Variants in MTA3 observed in about 807,000 individuals in gnomAD.
The protein encoded by MTA3 is metastasis associated 1 family member 3.
In MTA3, 34 loss-of-function variants were observed where a neutral mutation model predicts 83.5. The ratio of observed to expected loss-of-function variants is 0.41; its 90% confidence interval spans 0.31 to 0.54. MTA3 has a LOEUF of 0.54. MTA3 is among the 20% of genes least tolerant of loss of function. The pLI is 0.33. For synonymous variants in MTA3, 303 were observed against 252.7 expected, an observed-to-expected ratio of 1.20 and a Z score of -1.89; for missense variants, 761 against 726.4, an observed-to-expected ratio of 1.05 and a Z score of -0.55.
In MTA3 at chr2:42,724,554, G is replaced by A. The variant is rs530873826; in HGVS notation, c.1759+1519G>A. ...AGCTACTCAGGAGGCTGAGGTGGGA[G>A]GATCGATTGAGCCCAGGAGGTCGAG... On this transcript the variant is annotated intron_variant, in intron 16 of 16. Transcript: ENST00000405094. Among the ~76,000 whole-genome samples the A allele has an allele frequency of 2.0e-4, 31 of 151,546 alleles. 1 individual carries two copies. In the South Asian group the frequency reaches 6.3e-3, roughly 31 times the overall value.
intron 2 of MTA3, among the ~76,000 whole-genome samples, chr2:42,544,451 C>CA (rs1053544482): frequency 1.4e-4 from 19 of 131,812 alleles, no homozygotes; most frequent in East Asian, 4.4e-4. Flanking sequence ...GACTCCATCT[C>CA]AAAAAAAAAC....
chr2:42,621,243 A>G (rs1252430862), intron 4 of MTA3, among the ~76,000 whole-genome samples: 2 of 152,042 alleles, frequency 1.3e-5, no homozygotes, highest in African/African-American at 2.4e-5. Context: ...CAAGTGAACA[A>G]AGGTCTCTGG....
intron 4 of MTA3, among the ~76,000 whole-genome samples, chr2:42,622,683 G>T (rs1225562892): frequency 3.3e-5 from 5 of 151,060 alleles, no homozygotes; most frequent in Admixed American, 2.6e-4. Flanking sequence ...TTTGAAATGG[G>T]ATCTTGTTTT....
At chr2:42,656,153 G>A in intron 6 of MTA3, 47 bp from the exon 7 acceptor site, 1 of 1,377,628 alleles carries the variant, frequency 7.3e-7, no homozygotes, top group Non-Finnish European at 1.0e-6. Flanking sequence ...GTATGAGACA[G>A]TATGCCTTGT....
chr2:42,714,721 T>G (rs1003921862), intron 14 of MTA3, among the ~76,000 whole-genome samples: 7 of 152,150 alleles, frequency 4.6e-5, no homozygotes, highest in African/African-American at 1.7e-4. Flanking sequence ...ATGAACTGGG[T>G]GGTGTGGGCC....
intron 2 of MTA3, among the ~76,000 whole-genome samples, chr2:42,562,792 T>A (rs992347831): frequency 2.6e-5 from 4 of 152,140 alleles, no homozygotes; most frequent in African/African-American, 9.7e-5. Context: ...CAGAGCTCCC[T>A]CCTAAACACC....
At chr2:42,668,693 A>G (rs1000243147) in intron 8 of MTA3, among the ~76,000 whole-genome samples, 10 of 152,120 alleles carry the variant, frequency 6.6e-5, no homozygotes, top group African/African-American at 2.4e-4. Flanking sequence ...CGTGTTTATT[A>G]TTTTAGTAGA....
intron 8 of MTA3, among the ~76,000 whole-genome samples, chr2:42,678,535 G>A (rs1691586370): frequency 6.6e-6 from 1 of 151,834 alleles, no homozygotes; most frequent in South Asian, 2.1e-4. Context: ...CACCATATTG[G>A]CCAGGCTGGT....
At chr2:42,511,314 T>A (rs1674885430) in intron 2 of MTA3, among the ~76,000 whole-genome samples, 1 of 151,896 alleles carries the variant, frequency 6.6e-6, no homozygotes, top group Non-Finnish European at 1.5e-5. Flanking sequence ...GATAAAATGA[T>A]TCAATTCTGG....
chr2:42,748,195 ATGTGTTTGTGTGTGTGTGTG>A (rs1345280351), intron 16 of MTA3, among the ~76,000 whole-genome samples: 24 of 57,536 alleles, frequency 4.2e-4, no homozygotes, highest in Admixed American at 2.5e-3. Flanking sequence ...CATCCAGCTA[ATGTGTTTGTGTGTGTGTGTG>A]TGTGTGTGTG....
chr2:42,583,492 C>T (rs1254003497), intron 3 of MTA3, among the ~76,000 whole-genome samples: 3 of 152,110 alleles, frequency 2.0e-5, no homozygotes, highest in Non-Finnish European at 4.4e-5. Context: ...CTTAATTTTC[C>T]TGAACTTTAG....
At chr2:42,499,954 C>T (rs35311006) in intron 2 of MTA3, among the ~76,000 whole-genome samples, 1 of 147,810 alleles carries the variant, frequency 6.8e-6, no homozygotes, top group Non-Finnish European at 1.5e-5. Context: ...AAAGTGTTTT[C>T]TTTTTTGAAA....
chr2:42,703,659 G>C (rs1177336822), intron 11 of MTA3: 1 of 152,446 alleles, frequency 6.6e-6, no homozygotes, highest in Non-Finnish European at 1.5e-5. Context: ...GGGAGGCCGA[G>C]GCAGGCGGAT....
intron 2 of MTA3, among the ~76,000 whole-genome samples, chr2:42,531,396 G>T (rs1233418654): frequency 6.8e-6 from 1 of 147,494 alleles, no homozygotes; most frequent in East Asian, 2.0e-4. Flanking sequence ...CACACAAAGA[G>T]TGGATGCTTT....
At chr2:42,531,787 C>T (rs1249870619) in intron 2 of MTA3, among the ~76,000 whole-genome samples, 13 of 144,116 alleles carry the variant, frequency 9.0e-5, no homozygotes, top group African/African-American at 2.6e-4. Flanking sequence ...GACGGAGTCT[C>T]GCTCTGTCAC....
chr2:42,590,958 T>A (rs1255829470), intron 3 of MTA3, among the ~76,000 whole-genome samples: 1 of 152,180 alleles, frequency 6.6e-6, no homozygotes, highest in Admixed American at 6.6e-5. Context: ...CACTGTGTAC[T>A]GGTAGAGGAT....
At chr2:42,584,186 C>A (rs1328715317) in intron 3 of MTA3, among the ~76,000 whole-genome samples, 2 of 151,988 alleles carry the variant, frequency 1.3e-5, no homozygotes, top group Non-Finnish European at 2.9e-5. Context: ...AGAAAACTTT[C>A]ATCATGTACA....
chr2:42,603,331 A>T (rs1682817307), intron 3 of MTA3, among the ~76,000 whole-genome samples: 1 of 152,182 alleles, frequency 6.6e-6, no homozygotes, highest in African/African-American at 2.4e-5. Context: ...TAGAGGATGG[A>T]TGGTGCTCTG....
chr2:42,593,165 T>A (rs1479171658), intron 3 of MTA3, among the ~76,000 whole-genome samples: 2 of 97,436 alleles, frequency 2.1e-5, no homozygotes, highest in African/African-American at 4.4e-5. Context: ...AAAAAAAAAA[T>A]TAAATAGAAT....
Sources: gnomAD v4.1 joint callset for allele counts (sites outside exome capture counted in the v4.1 genomes callset) on GRCh38, gnomAD v4.1.1 for gene constraint, MANE v1.5 for transcripts, NCBI Gene and HGNC (gene_info 2026-07-23, HGNC 2026-07-21) for gene names.